The following ZSCAN1 variants were observed in gnomAD, a reference collection of about 807,000 sequenced individuals.
The protein encoded by ZSCAN1 is zinc finger and SCAN domain containing 1, also known as zinc finger and SCAN domain-containing protein 1.
In ZSCAN1, 23 loss-of-function variants were observed where a neutral mutation model predicts 23.8. That is an observed-to-expected ratio of 0.97 (90% CI 0.70 to 1.37). ZSCAN1 has a LOEUF of 1.37. ZSCAN1 is among the 40% of genes most tolerant of loss of function. The probability of loss-of-function intolerance (pLI) is 0.00; values close to 1 mark genes in which losing one functional copy is unlikely to be tolerated. For missense variants in ZSCAN1, 575 were observed against 554.0 expected (o/e 1.04, Z -0.38); for synonymous variants, 236 against 232.3 (o/e 1.02, Z -0.15).
At chr19:58,038,251 G>A (rs1174183453) in intron 3 of ZSCAN1, 45 bp downstream of exon 3, 2 of 1,558,864 alleles carry the variant, frequency 1.3e-6, no homozygotes, top group African/African-American at 2.7e-5. Context: ...CAGGGGGCCT[G>A]ACGTCTCCGA....
Position 58,053,399 on chromosome 19 carries a change from C to T in ZSCAN1, c.605-30C>T, listed in dbSNP as rs2073870885. The T allele has an allele frequency of 2.5e-6, 4 of 1,586,024 alleles. No individual in the cohort carries two copies. The highest frequency in any genetic ancestry group is 2.7e-5 in the African/African-American group (2 of 74,478). On this transcript the variant is annotated intron_variant, in intron 5 of 5. Transcript: ENST00000282326. The surrounding 1 kb of genome is among the most constrained non-coding windows in gnomAD (Gnocchi z 5.8). ...AGATGCCAAGGCCATCCACTCACTA[C>T]AGGTGACCCATCTCCCTCGCCCTCC...
At position 58,045,585 on chromosome 19, in the gene ZSCAN1, C is replaced by G; in HGVS notation, c.465+5041C>G. On this transcript the variant is annotated intron_variant, in intron 4 of 5. Transcript: ENST00000282326. The surrounding 1 kb of genome is among the most constrained non-coding windows in gnomAD (Gnocchi z 4.3). ...GGTGGCCCTGTGCAAGCTGCTGGAG[C>G]TACAGCTTCCTGCGCTTCCAGCTCA... The G allele has an allele frequency of 9.2e-7, 1 of 1,081,716 alleles. No individual in the cohort carries two copies. The highest frequency in any genetic ancestry group is 1.4e-6 in the Non-Finnish European group (1 of 694,086). 67.0% of individuals were successfully genotyped at this position (1,081,716 alleles called of 1,614,324 possible). A position where few individuals can be genotyped will look rare whatever the true frequency, so the allele number is the denominator to read the frequency against.
intron 3 of ZSCAN1, 193 bp downstream of exon 3, chr19:58,038,399 G>T: frequency 1.4e-6 from 1 of 705,376 alleles, no homozygotes; most frequent in South Asian, 1.9e-5. Flanking sequence ...CATCTGCCTC[G>T]AATTTCTCAC....
chr19:58,046,422 C>T (rs1239006293), intron 4 of ZSCAN1: 3 of 860,672 alleles, frequency 3.5e-6, no homozygotes, highest in East Asian at 2.4e-5. Context: ...GGCAGATCAA[C>T]GGCTTGATCT....
In ZSCAN1 at chr19:58,052,918, G is replaced by C. The variant is rs2073867479; in HGVS notation, c.604+290G>C. 3.9e-5 allele frequency among the ~76,000 whole-genome samples: 6 copies of C among 151,934 alleles called. No homozygotes were observed. The South Asian group carries it at 1.2e-3, about 32-fold the overall frequency. On this transcript the variant is annotated intron_variant, in intron 5 of 5. Transcript: ENST00000282326. Reference sequence around the variant, plus strand: ...GTTACCCAGAGGGCCAGCCAGGTAGGAACAAGGGCCAGTGCTGTGGGATCT... The same window carrying C: ...GTTACCCAGAGGGCCAGCCAGGTAGCAACAAGGGCCAGTGCTGTGGGATCT...
At position 58,038,201 on chromosome 19, in the gene ZSCAN1, A is replaced by G. The variant is rs768457569; in HGVS notation, c.365A>G (p.Gln122Arg). 1.2e-6 allele frequency: 2 copies of G among 1,604,800 alleles called. No homozygotes were observed. The highest frequency in any genetic ancestry group is 3.4e-5 in the Admixed American group (2 of 59,360). The change falls in exon 3 of 6, where the codon CAG becomes CGG. Residue 122 changes from glutamine to arginine, a missense_variant. Transcript: ENST00000282326. ...GAGGACCTCACACAGATGTGCCAGC[A>G]GGAAGGTGAGAGGCGCAGGCTTCCT... ...LVEDLTQMCQ[Q>R]EVLVSLDSVE...
rs563228900 is a variant in ZSCAN1, at chr19:58,040,663, G to A, written c.465+119G>A. On this transcript the variant is annotated intron_variant, in intron 4 of 5. Coordinates refer to ENST00000282326, the MANE Select transcript of ZSCAN1 (RefSeq NM_182572.4). This position sits in a 1 kb window ranked among gnomAD's most constrained non-coding sequence, Gnocchi z 5.8. ...GTGAGGTTGTCCCCAGCGCTCCCAG[G>A]AAGCCCGGCCTCCAAACTCCCCGCC... 1.9e-5 allele frequency: 19 copies of A among 994,954 alleles called. No homozygotes were observed. The African/African-American group carries it at 2.9e-4, about 15-fold the overall frequency. 61.6% of individuals were successfully genotyped at this position (994,954 alleles called of 1,614,324 possible). A position where few individuals can be genotyped will look rare whatever the true frequency, so the allele number is the denominator to read the frequency against.
At chr19:58,056,339 G>A (rs558916519), downstream of ZSCAN1, among the ~76,000 whole-genome samples, 1 of 152,312 alleles carries the variant, frequency 6.6e-6, no homozygotes, top group South Asian at 2.1e-4. Flanking sequence ...ACTCCACACT[G>A]CCTCTCACCC....
At chr19:58,041,143 G>A (rs78897457) in intron 4 of ZSCAN1, among the ~76,000 whole-genome samples, 5,519 of 152,314 alleles carry the variant, frequency 0.036, 364 homozygotes, top group African/African-American at 0.12. Flanking sequence ...GCATGTGTTC[G>A]TATGATCAGG....
rs528603019 is a variant in ZSCAN1 at position 58,038,147 on chromosome 19, G to A, written c.311G>A (p.Arg104Gln). 16 of 1,609,316 alleles carry A rather than the reference G, an allele frequency of 9.9e-6. No individual in the cohort carries two copies. Among genetic ancestry groups the A allele is most frequent in the Admixed American group, 1.7e-5 (1 of 59,826 alleles). ...MRTWVQSQGP[R>Q]SCREAASLVE... The stretch of plus-strand genomic sequence containing the variant: ...ACCTGGGTGCAGTCACAGGGCCCCC[G>A]AAGCTGCAGGGAGGCCGCCAGCCTG... The change falls in exon 3 of 6, where the codon CGA becomes CAA. Residue 104 changes from arginine (R) to glutamine (Q), a missense_variant. Arg to Gln is a conservative substitution (Grantham distance 43, BLOSUM62 1). Transcript: ENST00000282326.
chr19:58,053,865 G>T lies in ZSCAN1; in HGVS notation c.1041G>T (p.Pro347=). 6.2e-7 allele frequency: 1 copy of T among 1,613,772 alleles called. No individual in the cohort carries two copies. Among genetic ancestry groups the T allele is most frequent in the South Asian group, 1.1e-5 (1 of 91,080 alleles). The change falls in exon 6 of 6, where the codon CCG becomes CCT. Residue 347 remains proline (P), a synonymous_variant. Coordinates refer to ENST00000282326, the MANE Select transcript of ZSCAN1 (RefSeq NM_182572.4). This position sits in a 1 kb window ranked among gnomAD's most constrained non-coding sequence, Gnocchi z 5.8. ...GCAAGATCCACCTGCTGGAGCCACC[G>T]AGGAAGAAAGCCCCCCGGAGCAAGG... ...EHGKIHLLEP[P]RKKAPRSKGP...
chr19:58,045,753 C>G lies in ZSCAN1; in HGVS notation c.465+5209C>G. ...GCGTCAGGGAAAACCACCTGAGGGG[C>G]CAGCTGAAGCAGTGGCTGGACCTGC... On this transcript the variant is annotated intron_variant, in intron 4 of 5. Transcript: ENST00000282326. The surrounding 1 kb of genome is among the most constrained non-coding windows in gnomAD (Gnocchi z 4.3). 7.0e-7 allele frequency: 1 copy of G among 1,436,268 alleles called. No homozygotes were observed. Among genetic ancestry groups the G allele is most frequent in the Non-Finnish European group, 9.8e-7 (1 of 1,019,060 alleles). The allele number at this position is 1,436,268 out of a possible 1,614,324, so 89.0% of individuals were successfully genotyped here. A position where few individuals can be genotyped will look rare whatever the true frequency, so the allele number is the denominator to read the frequency against.
chr19:58,047,142 C>G lies in ZSCAN1; in HGVS notation c.466-5348C>G, dbSNP rs577214386. Among the ~76,000 whole-genome samples the G allele has an allele frequency of 6.6e-6, 1 of 152,340 alleles. No homozygotes were observed. The highest frequency in any genetic ancestry group is 2.4e-5 in the African/African-American group (1 of 41,580). ...CCACATGGACTCTGCCCACACGGAGCTGGCTGCTACGCCCACCCTCAGAGG... is the reference window on the plus strand; with the variant it reads ...CCACATGGACTCTGCCCACACGGAGGTGGCTGCTACGCCCACCCTCAGAGG... On this transcript the variant is annotated intron_variant, in intron 4 of 5. Transcript: ENST00000282326. The surrounding 1 kb of genome is among the most constrained non-coding windows in gnomAD (Gnocchi z 4.9).
Position 58,039,049 on chromosome 19 carries a change from C to G in ZSCAN1, c.370+843C>G, listed in dbSNP as rs1009515569. Among the ~76,000 whole-genome samples, 4 of 152,232 alleles carry G rather than the reference C, an allele frequency of 2.6e-5. No individual in the cohort carries two copies. In the East Asian group the frequency reaches 7.7e-4, roughly 29 times the overall value. On this transcript the variant is annotated intron_variant, in intron 3 of 5. Transcript: ENST00000282326. ...AACAGGCCCTCCCTTTGCACCCTCC[C>G]ACTACAGCATTTCCGTAGACCAACA...
At chr19:58,044,638 C>A in intron 4 of ZSCAN1, 1 of 1,044,358 alleles carries the variant, frequency 9.6e-7, no homozygotes, top group Non-Finnish European at 1.4e-6. Flanking sequence ...CCGCCAGCCT[C>A]CCGCCGCCGC....
At chr19:58,046,020 G>C in intron 4 of ZSCAN1, 2 of 700,346 alleles carry the variant, frequency 2.9e-6, no homozygotes, top group Admixed American at 4.5e-5. Context: ...AGGAGCTGCA[G>C]AAGCATTCGG....
chr19:58,041,823 C>T (rs895246479), intron 4 of ZSCAN1, among the ~76,000 whole-genome samples: 4 of 152,102 alleles, frequency 2.6e-5, no homozygotes, highest in African/African-American at 9.7e-5. Context: ...CTGTAGTAAG[C>T]TATGATCATG....
In ZSCAN1 at chr19:58,049,717, C is replaced by T. The variant is rs1048659691; in HGVS notation, c.466-2773C>T. ...TGGGCGTATCTCCCTGAGGCCCTGGCGGGAATGACTGTTGGAACCTCAGTG... is the reference window on the plus strand; with the variant it reads ...TGGGCGTATCTCCCTGAGGCCCTGGTGGGAATGACTGTTGGAACCTCAGTG... On this transcript the variant is annotated intron_variant, in intron 4 of 5. Transcript: ENST00000282326. The surrounding 1 kb of genome is among the most constrained non-coding windows in gnomAD (Gnocchi z 4.5). Among the ~76,000 whole-genome samples the T allele has an allele frequency of 2.6e-5, 4 of 152,290 alleles. No individual in the cohort carries two copies. The highest frequency in any genetic ancestry group is 6.5e-5 in the Admixed American group (1 of 15,294).
At chr19:58,039,610 T>C (rs1264319961) in intron 3 of ZSCAN1, among the ~76,000 whole-genome samples, 1 of 151,808 alleles carries the variant, frequency 6.6e-6, no homozygotes, top group African/African-American at 2.4e-5. Flanking sequence ...CTACTAAAAA[T>C]ACAAAAATTA....
Sources: gnomAD v4.1 joint callset for allele counts (sites outside exome capture counted in the v4.1 genomes callset) on GRCh38, gnomAD v4.1.1 for gene constraint, Gnocchi (gnomAD v3.1) non-coding constraint, MANE v1.5 for transcripts, NCBI Gene and HGNC (gene_info 2026-07-23, HGNC 2026-07-21) for gene names.